Variants in SAMMSON observed in about 807,000 individuals in gnomAD.
SAMMSON encodes the protein long intergenic non-protein coding RNA 1212.
At chr3:70,285,716 C>T (rs1233867159) in intron 6 of SAMMSON, among the ~76,000 whole-genome samples, 1 of 150,242 alleles carries the variant, frequency 6.7e-6, no homozygotes, top group Non-Finnish European at 1.5e-5. Flanking sequence ...CTCTCCAGCA[C>T]CTGTTGTTTC....
intron 6 of SAMMSON, among the ~76,000 whole-genome samples, chr3:70,287,563 C>T (rs1702179077): frequency 6.6e-6 from 1 of 151,992 alleles, no homozygotes; most frequent in African/African-American, 2.4e-5. Context: ...CAGAATGATG[C>T]TGGCCTCATA....
At chr3:70,234,990 A>T (rs1185755004) in intron 4 of SAMMSON, among the ~76,000 whole-genome samples, 1 of 152,174 alleles carries the variant, frequency 6.6e-6, no homozygotes, top group Non-Finnish European at 1.5e-5. Context: ...GCAACTGTGA[A>T]GATGATTCTA....
intron 9 of SAMMSON, among the ~76,000 whole-genome samples, chr3:70,371,144 G>T (rs1400630749): frequency 6.6e-6 from 1 of 151,912 alleles, no homozygotes; most frequent in Non-Finnish European, 1.5e-5. Context: ...GTTTATTTCT[G>T]GGTTCTCTAT....
chr3:70,357,852 G>C (rs918235470), intron 8 of SAMMSON, among the ~76,000 whole-genome samples: 1 of 152,132 alleles, frequency 6.6e-6, no homozygotes, highest in African/African-American at 2.4e-5. Flanking sequence ...TAAAAGTAAA[G>C]AGTATTTTCT....
intron 3 of SAMMSON, among the ~76,000 whole-genome samples, chr3:70,020,605 C>G (rs980022014): frequency 2.0e-5 from 3 of 152,128 alleles, no homozygotes; most frequent in Non-Finnish European, 4.4e-5. Flanking sequence ...ACTCCTCATA[C>G]TCCACAGCTT....
At chr3:70,134,039 C>T (rs1020582870) in intron 4 of SAMMSON, among the ~76,000 whole-genome samples, 10 of 144,842 alleles carry the variant, frequency 6.9e-5, no homozygotes, top group East Asian at 2.0e-4. Flanking sequence ...GCCAGGAGTT[C>T]GAGACCTGTC....
intron 2 of SAMMSON, among the ~76,000 whole-genome samples, chr3:70,418,967 T>C: frequency 2.3e-5 from 1 of 42,752 alleles, no homozygotes; most frequent in African/African-American, 5.6e-5. Flanking sequence ...TTCCTTTCCT[T>C]TCCTTCCTTC....
chr3:70,206,272 A>T (rs1701290094), intron 4 of SAMMSON, among the ~76,000 whole-genome samples: 1 of 152,032 alleles, frequency 6.6e-6, no homozygotes, highest in African/African-American at 2.4e-5. Flanking sequence ...GAGAGAAAGA[A>T]GTTTGCCATT....
At chr3:70,066,614 A>T (rs2067211156) in intron 3 of SAMMSON, among the ~76,000 whole-genome samples, 1 of 152,166 alleles carries the variant, frequency 6.6e-6, no homozygotes, top group Non-Finnish European at 1.5e-5. Context: ...TATCAGATTT[A>T]TACAACCACA....
chr3:70,321,988 C>A (rs188038399), intron 7 of SAMMSON, among the ~76,000 whole-genome samples: 213 of 152,014 alleles, frequency 1.4e-3, no homozygotes, highest in Middle Eastern at 6.8e-3. Context: ...ATTTTACAAA[C>A]AAATTACAGA....
intron 6 of SAMMSON, among the ~76,000 whole-genome samples, chr3:70,274,064 T>TGTGTG (rs1701998561): frequency 6.8e-6 from 1 of 147,530 alleles, no homozygotes; most frequent in Non-Finnish European, 1.5e-5. Flanking sequence ...TCCGTGTGTG[T>TGTGTG]GTGTGTGTGT....
At position 70,310,814 on chromosome 3, in the gene SAMMSON, A is replaced by AT. The variant is rs200890566; in HGVS notation, n.739+19579dup. Among the ~76,000 whole-genome samples the AT allele has an allele frequency of 6.2e-3, 941 of 151,996 alleles. 6 individuals are homozygous for AT. Among genetic ancestry groups the AT allele is most frequent in the Non-Finnish European group, 0.012 (789 of 67,980 alleles). On this transcript the variant is annotated intron_variant and non_coding_transcript_variant, in intron 7 of 9. Coordinates refer to ENST00000642114, the Ensembl canonical transcript of SAMMSON. ...TCATGTTCTGACGAGTAACTTAAAC[A>AT]TTTTTTTTCTTTGGAACATGATGAG...
chr3:70,132,826 A>G (rs1576130623), intron 4 of SAMMSON, among the ~76,000 whole-genome samples: 1 of 151,772 alleles, frequency 6.6e-6, no homozygotes, highest in East Asian at 1.9e-4. Flanking sequence ...GTCATTCTTC[A>G]GTTGACAATC....
intron 2 of SAMMSON, among the ~76,000 whole-genome samples, chr3:70,409,973 C>T (rs1261100115): frequency 6.6e-6 from 1 of 152,082 alleles, no homozygotes; most frequent in Non-Finnish European, 1.5e-5. Flanking sequence ...CTAGCCCCAC[C>T]CACCCTGCCA....
At chr3:70,069,905 TAAG>T (rs1259845331) in intron 3 of SAMMSON, 3 of 152,070 alleles carry the variant, frequency 2.0e-5, no homozygotes, top group African/African-American at 7.2e-5. Context: ...AAATAAATTA[TAAG>T]AAGATTAGAA....
chr3:70,170,579 C>CTTTTTTT (rs538385626), intron 4 of SAMMSON, among the ~76,000 whole-genome samples: 183 of 105,478 alleles, frequency 1.7e-3, no homozygotes, highest in Non-Finnish European at 2.1e-3. Context: ...CTAGATTTTC[C>CTTTTTTT]TTTTTTTTTT....
chr3:70,103,812 C>T (rs1576122668), intron 4 of SAMMSON, among the ~76,000 whole-genome samples: 2 of 152,154 alleles, frequency 1.3e-5, no homozygotes, highest in East Asian at 3.9e-4. Context: ...GCTATAATTT[C>T]CTGTAACTAT....
intron 7 of SAMMSON, chr3:70,332,780 G>C (rs1702630937): frequency 6.6e-6 from 1 of 152,202 alleles, no homozygotes; most frequent in South Asian, 2.1e-4. Flanking sequence ...GTTTTTAGTA[G>C]AGACGGGGTT....
At chr3:70,105,138 C>T (rs2067362600) in intron 4 of SAMMSON, among the ~76,000 whole-genome samples, 1 of 151,932 alleles carries the variant, frequency 6.6e-6, no homozygotes, top group Non-Finnish European at 1.5e-5. Flanking sequence ...GGAAATGTAA[C>T]CCCAATTTTA....
Sources: gnomAD v4.1 joint callset for allele counts (sites outside exome capture counted in the v4.1 genomes callset) on GRCh38, gnomAD v4.1.1 for gene constraint, MANE v1.5 for transcripts, NCBI Gene and HGNC (gene_info 2026-07-23, HGNC 2026-07-21) for gene names.